The following TNFSF11 variants were observed in gnomAD, a reference collection of about 807,000 sequenced individuals.
TNFSF11 encodes TNF superfamily member 11.
A neutral mutation model predicts 32.2 loss-of-function variants in TNFSF11; 12 were observed. The observed-to-expected ratio is 0.37, with a 90% CI of 0.24 to 0.60. The LOEUF is 0.60. TNFSF11 is among the 20% of genes least tolerant of loss of function. TNFSF11 has a pLI of 0.66. For missense variants in TNFSF11, 345 were observed against 398.0 expected, an observed-to-expected ratio of 0.87 and a Z score of 1.13; for synonymous variants, 172 against 152.1, an observed-to-expected ratio of 1.13 and a Z score of -0.96.
chr13:42,595,219 ATTTCT>A (rs1868738624), intron 2 of TNFSF11, among the ~76,000 whole-genome samples: 1 of 152,016 alleles, frequency 6.6e-6, no homozygotes, highest in African/African-American at 2.4e-5. Context: ...ATGGGCAGAG[ATTTCT>A]TTGGTTGCTC....
intron 2 of TNFSF11, among the ~76,000 whole-genome samples, chr13:42,599,261 C>T (rs1868990839): frequency 6.6e-6 from 1 of 152,184 alleles, no homozygotes; most frequent in South Asian, 2.1e-4. Flanking sequence ...ATGTTATCTC[C>T]AGAATCCTTC....
chr13:42,595,808 A>G (rs78114725), intron 2 of TNFSF11, among the ~76,000 whole-genome samples: 1 of 152,356 alleles, frequency 6.6e-6, no homozygotes, highest in Admixed American at 6.5e-5. Flanking sequence ...AGGAGTCGGG[A>G]TATTCTTTTG....
upstream of TNFSF11, among the ~76,000 whole-genome samples, chr13:42,569,237 C>A (rs1199516192): frequency 1.3e-5 from 2 of 152,056 alleles, no homozygotes; most frequent in African/African-American, 4.8e-5. Context: ...AATGTAATCA[C>A]AAGGGTTCTT....
chr13:42,566,991 CAAAA>C (rs1251249117), intron 2 of TNFSF11, among the ~76,000 whole-genome samples: 14 of 112,810 alleles, frequency 1.2e-4, no homozygotes, highest in Admixed American at 9.7e-4. Flanking sequence ...GACTCTGTCT[CAAAA>C]AATAAATAAA....
intron 2 of TNFSF11, among the ~76,000 whole-genome samples, chr13:42,591,369 C>T (rs2875459): frequency 0.35 from 53,343 of 151,828 alleles, 9,640 homozygotes; most frequent in Middle Eastern, 0.53. Context: ...GGCCACTGGA[C>T]CCCTTGCCCA....
upstream of TNFSF11, among the ~76,000 whole-genome samples, chr13:42,569,657 T>A (rs777021302): frequency 6.7e-6 from 1 of 149,482 alleles, no homozygotes; most frequent in Non-Finnish European, 1.5e-5. Context: ...GAGACTGGAG[T>A]GATGAGGTTT....
rs920204255 is a variant in TNFSF11 at position 42,589,635 on chromosome 13, G to A, written c.387+8342G>A. On this transcript the variant is annotated intron_variant, in intron 2 of 4. Coordinates refer to ENST00000398795, the MANE Select transcript of TNFSF11 (RefSeq NM_003701.4). ...AATGCTCCATGTCATCGCCTCCATC[G>A]CAACTTGTACTCCACGGCCTCACCA... Among the ~76,000 whole-genome samples, 75 of 152,112 alleles carry A rather than the reference G, an allele frequency of 4.9e-4. 1 individual carries two copies. The highest frequency in any genetic ancestry group is 1.8e-3 in the African/African-American group (74 of 41,402).
chr13:42,565,925 G>A (rs970369081), intron 1 of TNFSF11, among the ~76,000 whole-genome samples: 1 of 152,164 alleles, frequency 6.6e-6, no homozygotes, highest in Non-Finnish European at 1.5e-5. Context: ...AAAGCACTCT[G>A]GGAATATGGC....
rs1471498841 is a variant in TNFSF11, at chr13:42,574,395, A to T, written c.92A>T (p.His31Leu). The T allele has an allele frequency of 3.9e-6, 6 of 1,553,022 alleles. No individual in the cohort carries two copies. The highest frequency in any genetic ancestry group is 1.4e-5 in the African/African-American group (1 of 73,460). ...GGAGCCCCGCACGAGGGCCCCCTGC[A>T]CGCCCCGCCGCCGCCTGCGCCGCAC... ...GPGAPHEGPL[H>L]APPPPAPHQP... is the part of the protein sequence containing the mutation. Residue 31 changes from histidine (H) to leucine (L), a missense_variant, in exon 1 of 5, where the codon CAC becomes CTC. Transcript: ENST00000398795.
In TNFSF11 at chr13:42,580,982, T is replaced by C. The variant is rs1873576615; in HGVS notation, c.220-144T>C. On this transcript the variant is annotated intron_variant, in intron 1 of 4. Coordinates refer to ENST00000398795, the MANE Select transcript of TNFSF11 (RefSeq NM_003701.4). ...TTAGAAGTCAACGTTTTCACCATCT[T>C]GAGGTTCATTGTATTAACTATTCAT... is the stretch of plus-strand genomic sequence containing the variant. The C allele has an allele frequency of 4.8e-6, 4 of 826,132 alleles. No homozygotes were observed. In the South Asian group the frequency reaches 6.1e-5, roughly 13 times the overall value. 51.2% of individuals were successfully genotyped at this position (826,132 alleles called of 1,614,324 possible).
At position 42,574,347 on chromosome 13, in the gene TNFSF11, C is replaced by G. The variant is rs774289363; in HGVS notation, c.44C>G (p.Ser15Trp). Reference sequence around the variant, plus strand: ...GACTACACCAAGTACCTGCGTGGCTCGGAGGAGATGGGCGGCGGCCCCGGA... The same window carrying G: ...GACTACACCAAGTACCTGCGTGGCTGGGAGGAGATGGGCGGCGGCCCCGGA... ...SRDYTKYLRG[S>W]EEMGGGPGAP... The change falls in exon 1 of 5, where the codon TCG (serine) becomes TGG (tryptophan). Residue 15 changes from serine (S) to tryptophan (W), a missense_variant. Ser to Trp is a radical substitution (Grantham distance 177). Coordinates refer to ENST00000398795, the MANE Select transcript of TNFSF11 (RefSeq NM_003701.4). The G allele has an allele frequency of 6.5e-7, 1 of 1,544,204 alleles. No individual in the cohort carries two copies.
At chr13:42,566,975 GAGA>G (rs1265529309) in intron 2 of TNFSF11, among the ~76,000 whole-genome samples, 1 of 149,936 alleles carries the variant, frequency 6.7e-6, no homozygotes, top group East Asian at 1.9e-4. Context: ...CTTGGTGACA[GAGA>G]AGGACTCTGT....
chr13:42,595,005 A>G (rs898223820), intron 2 of TNFSF11, among the ~76,000 whole-genome samples: 2 of 152,274 alleles, frequency 1.3e-5, no homozygotes, highest in African/African-American at 2.4e-5. Flanking sequence ...TCTGACAGCA[A>G]AGATGAAAAG....
chr13:42,571,395 A>G (rs1873063872), upstream of TNFSF11, among the ~76,000 whole-genome samples: 1 of 151,982 alleles, frequency 6.6e-6, no homozygotes, highest in South Asian at 2.1e-4. Context: ...TTGAGACAGA[A>G]TCTTGCTTTG....
In TNFSF11 at chr13:42,596,246, T is replaced by C. The variant is rs56328331; in HGVS notation, c.388-4506T>C. Among the ~76,000 whole-genome samples the C allele has an allele frequency of 2.6e-3, 390 of 152,286 alleles. 2 individuals carry two copies. Among genetic ancestry groups the C allele is most frequent in the African/African-American group, 8.8e-3 (365 of 41,550 alleles). On this transcript the variant is annotated intron_variant, in intron 2 of 4. Coordinates refer to ENST00000398795, the MANE Select transcript of TNFSF11 (RefSeq NM_003701.4). The stretch of plus-strand genomic sequence containing the variant: ...TGCAGGTCTTAGTCTTGGGGGTTCA[T>C]CAGCCAAGCCATAAACATGGGTTGG...
At chr13:42,587,312 A>G (rs552150116) in intron 2 of TNFSF11, among the ~76,000 whole-genome samples, 17 of 152,346 alleles carry the variant, frequency 1.1e-4, no homozygotes, top group African/African-American at 4.1e-4. Flanking sequence ...GGTAGTCTCT[A>G]GCTGAGCAGC....
At chr13:42,589,345 A>G (rs1204939032) in intron 2 of TNFSF11, among the ~76,000 whole-genome samples, 1 of 152,170 alleles carries the variant, frequency 6.6e-6, no homozygotes, top group East Asian at 1.9e-4. Context: ...GGTCACATGA[A>G]CAGAGGTCAT....
intron 2 of TNFSF11, among the ~76,000 whole-genome samples, chr13:42,593,313 A>G (rs919415122): frequency 6.6e-6 from 1 of 152,198 alleles, no homozygotes; most frequent in African/African-American, 2.4e-5. Context: ...GGGCCTTCTA[A>G]GCCCTGGTAA....
At chr13:42,581,381 T>G in intron 2 of TNFSF11, 88 bp downstream of exon 2, 1 of 1,401,870 alleles carries the variant, frequency 7.1e-7, no homozygotes, top group Non-Finnish European at 1.0e-6. Context: ...CTGTTGACTC[T>G]GCTCTTTTTA....
Sources: allele counts gnomAD v4.1 joint callset (sites outside exome capture counted in the v4.1 genomes callset), GRCh38; gene constraint gnomAD v4.1.1; transcripts MANE v1.5; gene names NCBI Gene and HGNC (gene_info 2026-07-23, HGNC 2026-07-21).